Variants in LMAN2L observed in about 807,000 individuals in gnomAD.
LMAN2L encodes the protein VIP36-like protein.
Under a neutral mutation model 44.3 loss-of-function variants are expected in LMAN2L, and 30 were observed. The ratio of observed to expected loss-of-function variants is 0.68; its 90% CI spans 0.51 to 0.92. The LOEUF (loss-of-function observed/expected upper bound fraction) is 0.92. Among genes scored for constraint, LMAN2L ranks in the 40% least tolerant of loss-of-function variants. LMAN2L has a pLI of 0.00. For synonymous variants in LMAN2L, 183 were observed against 171.1 expected (o/e 1.07, Z -0.54); for missense variants, 429 against 446.1 (o/e 0.96, Z 0.35).
At chr2:96,725,715 G>C (rs2078256776) in intron 4 of LMAN2L, among the ~76,000 whole-genome samples, 1 of 152,010 alleles carries the variant, frequency 6.6e-6, no homozygotes, top group Non-Finnish European at 1.5e-5. Context: ...AAAGTGCTGG[G>C]ATTACAGGCG....
intron 3 of LMAN2L, among the ~76,000 whole-genome samples, chr2:96,734,199 A>G (rs561363031): frequency 1.3e-5 from 2 of 152,218 alleles, no homozygotes; most frequent in Non-Finnish European, 2.9e-5. Context: ...GAAAGAAGTA[A>G]CAAGCAAGCA....
chr2:96,712,197 G>A (rs2077942181), intron 4 of LMAN2L, among the ~76,000 whole-genome samples, 172 bp from the exon 5 acceptor site: 1 of 152,212 alleles, frequency 6.6e-6, no homozygotes, highest in Non-Finnish European at 1.5e-5. Flanking sequence ...GGTCTCTCAA[G>A]GGAAATGGGC....
chr2:96,721,519 T>C (rs2078155567), intron 4 of LMAN2L, among the ~76,000 whole-genome samples: 1 of 151,910 alleles, frequency 6.6e-6, no homozygotes, highest in Admixed American at 6.6e-5. Context: ...TTTGTTTTTT[T>C]TTTGAGACAG....
At chr2:96,732,364 A>C (rs2078418278) in intron 4 of LMAN2L, among the ~76,000 whole-genome samples, 1 of 150,052 alleles carries the variant, frequency 6.7e-6, no homozygotes, top group African/African-American at 2.4e-5. Flanking sequence ...AGAAAGCAAT[A>C]GCCGGGCATG....
At chr2:96,712,158 C>T (rs2077941204) in intron 4 of LMAN2L, 133 bp from the exon 5 acceptor site, 2 of 822,486 alleles carry the variant, frequency 2.4e-6, no homozygotes. Context: ...ACCTCATTGT[C>T]AGCAGCCCCT....
At chr2:96,728,735 G>A (rs2078327494) in intron 4 of LMAN2L, among the ~76,000 whole-genome samples, 1 of 151,496 alleles carries the variant, frequency 6.6e-6, no homozygotes, top group Non-Finnish European at 1.5e-5. Flanking sequence ...CAGCCAGACT[G>A]GGTGGAGTGT....
chr2:96,711,674 T>C lies in LMAN2L; in HGVS notation c.766A>G (p.Ile256Val), dbSNP rs368039092. ...PRGYYFGTSS[I>V]TGDLSDNHDV... ...GCAGTACCTGAGAGATCCCCAGTGA[T>C]GGAGGAGGTGCCGAAGTAGTAGCCG... The change falls in exon 6 of 8, where the codon ATC becomes GTC. Residue 256 changes from isoleucine to valine, a missense_variant. Ile to Val is a conservative substitution (Grantham distance 29). Transcript: ENST00000264963. 12 of 1,613,054 alleles carry C rather than the reference T, an allele frequency of 7.4e-6. No individual in the cohort carries two copies. In the African/African-American group the frequency reaches 9.3e-5, roughly 13 times the overall value.
At chr2:96,726,548 C>T (rs1459176736) in intron 4 of LMAN2L, among the ~76,000 whole-genome samples, 2 of 151,926 alleles carry the variant, frequency 1.3e-5, no homozygotes, top group African/African-American at 2.4e-5. Context: ...TTTGGGCGGC[C>T]GAGATGGGCA....
chr2:96,732,308 G>A (rs962505620), intron 4 of LMAN2L, among the ~76,000 whole-genome samples: 6 of 151,942 alleles, frequency 3.9e-5, no homozygotes, highest in African/African-American at 1.5e-4. Context: ...CCATCTGATG[G>A]CAGTGCCGTA....
chr2:96,738,651 G>A (rs929595866), intron 1 of LMAN2L, among the ~76,000 whole-genome samples: 1 of 152,114 alleles, frequency 6.6e-6, no homozygotes, highest in Admixed American at 6.6e-5. Context: ...CTCCAGCCTA[G>A]GCAACGGAAC....
At chr2:96,727,304 A>G (rs1240985504) in intron 4 of LMAN2L, among the ~76,000 whole-genome samples, 1 of 152,042 alleles carries the variant, frequency 6.6e-6, no homozygotes, top group East Asian at 1.9e-4. Flanking sequence ...TAGTTTACTA[A>G]TGTGGTATAT....
intron 4 of LMAN2L, among the ~76,000 whole-genome samples, chr2:96,717,802 A>G (rs535335872): frequency 1.8e-4 from 27 of 151,220 alleles, no homozygotes; most frequent in African/African-American, 6.5e-4. Flanking sequence ...TCGTGCCACT[A>G]TACGCCAGTC....
intron 4 of LMAN2L, among the ~76,000 whole-genome samples, chr2:96,722,577 T>C (rs908755384): frequency 1.3e-5 from 2 of 152,180 alleles, no homozygotes; most frequent in Non-Finnish European, 2.9e-5. Flanking sequence ...TAAATACAGA[T>C]AATGCTTCAC....
At chr2:96,731,945 T>TC (rs2078407054) in intron 4 of LMAN2L, among the ~76,000 whole-genome samples, 1 of 151,838 alleles carries the variant, frequency 6.6e-6, no homozygotes, top group South Asian at 2.1e-4. Flanking sequence ...CCTCCCAGGT[T>TC]CAAGTGACTC....
chr2:96,730,711 C>T (rs1039051827), intron 4 of LMAN2L, among the ~76,000 whole-genome samples: 18 of 151,962 alleles, frequency 1.2e-4, no homozygotes, highest in Admixed American at 2.0e-4. Context: ...TTCACTCTGT[C>T]GCCCAGGCTG....
chr2:96,731,656 A>AAAAAAAT (rs2078400544), intron 4 of LMAN2L, among the ~76,000 whole-genome samples: 1 of 152,114 alleles, frequency 6.6e-6, no homozygotes, highest in Non-Finnish European at 1.5e-5. Context: ...TCAAAAAATA[A>AAAAAAAT]AAAAAATAAA....
chr2:96,709,721 C>T (rs1348480092), intron 6 of LMAN2L, among the ~76,000 whole-genome samples: 1 of 152,238 alleles, frequency 6.6e-6, no homozygotes, highest in Admixed American at 6.5e-5. Flanking sequence ...CTAACTTTCT[C>T]AGCAGTTTTC....
chr2:96,716,516 G>A (rs908469613), intron 4 of LMAN2L, among the ~76,000 whole-genome samples: 3 of 152,106 alleles, frequency 2.0e-5, no homozygotes, highest in African/African-American at 7.2e-5. Flanking sequence ...AGTGAAGGAG[G>A]GGAGAGGAAG....
intron 4 of LMAN2L, among the ~76,000 whole-genome samples, chr2:96,727,360 G>A (rs1008799884): frequency 3.9e-5 from 6 of 152,060 alleles, no homozygotes; most frequent in African/African-American, 9.7e-5. Flanking sequence ...GGCCGGGTGC[G>A]GTGGCTCATG....
Sources: gnomAD v4.1 joint callset for allele counts (sites outside exome capture counted in the v4.1 genomes callset) on GRCh38, gnomAD v4.1.1 for gene constraint, MANE v1.5 for transcripts, NCBI Gene and HGNC (gene_info 2026-07-23, HGNC 2026-07-21) for gene names.